The following NADSYN1 variants were observed in gnomAD, a reference collection of about 807,000 sequenced individuals.
The protein encoded by NADSYN1 is NAD synthetase 1, also known as glutamine-dependent NAD(+) synthetase.
A neutral mutation model predicts 99.3 loss-of-function variants in NADSYN1; 80 were observed. That is an observed-to-expected ratio of 0.81 (90% CI 0.67 to 0.97). The LOEUF is 0.97. Among genes scored for constraint, NADSYN1 ranks in the 50% least tolerant of loss-of-function variants. NADSYN1 has a pLI of 0.00. For synonymous variants in NADSYN1, 385 were observed against 372.1 expected, an observed-to-expected ratio of 1.03 and a Z score of -0.40; for missense variants, 859 against 948.5, an observed-to-expected ratio of 0.91 and a Z score of 1.24.
At chr11:71,498,625 A>C (rs758972762) in intron 20 of NADSYN1, 97 bp downstream of exon 20, 89 of 1,377,458 alleles carry the variant, frequency 6.5e-5, no homozygotes, top group Non-Finnish European at 8.5e-5. Context: ...TCTTATATAC[A>C]CAGTAACTTT....
chr11:71,501,463 C>T lies in NADSYN1; in HGVS notation c.*111C>T, dbSNP rs761179093. On this transcript the variant is annotated 3_prime_UTR_variant, in exon 21 of 21. Coordinates refer to ENST00000319023, the MANE Select transcript of NADSYN1 (RefSeq NM_018161.5). ...ACACTAGGAGCCCAGGATGGGACGG[C>T]GCATCAGCCGAGAGGGAGGGAACTT... The T allele has an allele frequency of 8.9e-6, 9 of 1,007,910 alleles. No homozygotes were observed. The highest frequency in any genetic ancestry group is 4.2e-4 in the Middle Eastern group (2 of 4,810). The allele number at this position is 1,007,910 out of a possible 1,614,324, so 62.4% of individuals were successfully genotyped here.
At chr11:71,478,332 A>C (rs1949683347) in intron 9 of NADSYN1, 63 bp from the exon 10 acceptor site, 1 of 1,407,278 alleles carries the variant, frequency 7.1e-7, no homozygotes, top group Non-Finnish European at 9.9e-7. Flanking sequence ...ACAGTGGCCA[A>C]ATTACACGTG....
At chr11:71,474,738 C>G in intron 9 of NADSYN1, 1 of 552,326 alleles carries the variant, frequency 1.8e-6, no homozygotes, top group Non-Finnish European at 3.2e-6. Context: ...CTGGCTCTCC[C>G]CTGTAAGCCG....
chr11:71,473,877 G>A (rs1258352292), intron 8 of NADSYN1, among the ~76,000 whole-genome samples, 191 bp downstream of exon 8: 2 of 152,222 alleles, frequency 1.3e-5, no homozygotes, highest in East Asian at 1.9e-4. Context: ...TCTCACCCAC[G>A]CAGCCACCCT....
rs1949775443 is a variant in NADSYN1, at chr11:71,491,038, G to A, written c.1694+62G>A. The A allele has an allele frequency of 1.5e-5, 24 of 1,599,926 alleles. No individual in the cohort carries two copies. The South Asian group carries it at 2.5e-4, about 16-fold the overall frequency. ...GGGCTCCTCTCCCAGCACGGCCCCG[G>A]CCACCCTGGCCCACACTCAGGCTCC... On this transcript the variant is annotated intron_variant, in intron 17 of 20. Transcript: ENST00000319023.
At chr11:71,464,005 G>A (rs768694026) in intron 4 of NADSYN1, 48 bp from the exon 5 acceptor site, 18 of 1,487,320 alleles carry the variant, frequency 1.2e-5, no homozygotes, top group South Asian at 2.4e-5. Flanking sequence ...CCAGTGGCAC[G>A]TTCATCTCAG....
chr11:71,501,448 C>A lies in NADSYN1; in HGVS notation c.*96C>A. On this transcript the variant is annotated 3_prime_UTR_variant, in exon 21 of 21. Transcript: ENST00000319023. ...AAGGGTAGGAGCCCTACACTAGGAG[C>A]CCAGGATGGGACGGCGCATCAGCCG... 2 of 1,217,190 alleles carry A rather than the reference C, an allele frequency of 1.6e-6. No individual in the cohort carries two copies. The highest frequency in any genetic ancestry group is 2.3e-6 in the Non-Finnish European group (2 of 862,700). The allele number at this position is 1,217,190 out of a possible 1,614,324, so 75.4% of individuals were successfully genotyped here. A position where few individuals can be genotyped will look rare whatever the true frequency, so the allele number is the denominator to read the frequency against.
At chr11:71,477,357 G>A (rs906560601) in intron 9 of NADSYN1, 11 of 1,289,542 alleles carry the variant, frequency 8.5e-6, no homozygotes, top group African/African-American at 4.6e-5. Flanking sequence ...TGGTGGCCAG[G>A]GTGCTGTCAC....
At chr11:71,476,709 TC>T (rs996620682) in intron 9 of NADSYN1, 13 of 865,872 alleles carry the variant, frequency 1.5e-5, no homozygotes, top group Non-Finnish European at 1.7e-5. Context: ...GGAAGTGTGG[TC>T]CTCTCCCCGT....
At chr11:71,469,927 GA>G (rs749801544) in intron 5 of NADSYN1, among the ~76,000 whole-genome samples, 22 of 109,164 alleles carry the variant, frequency 2.0e-4, no homozygotes, top group African/African-American at 4.6e-4. Flanking sequence ...GCCTGTCTCA[GA>G]AAAAAAAAAA....
At chr11:71,469,685 G>C (rs188041919) in intron 5 of NADSYN1, among the ~76,000 whole-genome samples, 1 of 152,300 alleles carries the variant, frequency 6.6e-6, no homozygotes, top group East Asian at 1.9e-4. Flanking sequence ...CCCTGGGTGG[G>C]CCAGGTGTTT....
chr11:71,474,828 A>C (rs943292968), intron 9 of NADSYN1: 2 of 396,836 alleles, frequency 5.0e-6, no homozygotes, highest in Non-Finnish European at 9.6e-6. Flanking sequence ...CTGGTTGGTG[A>C]GGGGGGACCT....
Position 71,481,337 on chromosome 11 carries a change from T to A in NADSYN1, c.999-19T>A. On this transcript the variant is annotated intron_variant, in intron 11 of 20. Coordinates refer to ENST00000319023, the MANE Select transcript of NADSYN1 (RefSeq NM_018161.5). ...CAGGGGCCACCGCCTCCGGGCTCCA[T>A]GTTCTGATTGCCCTGCAGCCTTGGA... The A allele has an allele frequency of 5.6e-6, 9 of 1,613,566 alleles. No homozygotes were observed. Among genetic ancestry groups the A allele is most frequent in the Non-Finnish European group, 7.6e-6 (9 of 1,179,804 alleles).
At chr11:71,462,831 G>A (rs961490615) in intron 3 of NADSYN1, among the ~76,000 whole-genome samples, 2 of 152,122 alleles carry the variant, frequency 1.3e-5, no homozygotes, top group African/African-American at 4.8e-5. Context: ...CCCTTGTGCT[G>A]CCCTGATCTG....
rs775137951 is a variant in NADSYN1, at chr11:71,458,550, T to C, written c.263+6T>C. ...ATCATCTGCGACGTGGGGATGTAAGTGCCAGTGTGAGTGTGGAAGGGCAAA... is the reference window on the plus strand; with the variant it reads ...ATCATCTGCGACGTGGGGATGTAAGCGCCAGTGTGAGTGTGGAAGGGCAAA... On this transcript the variant is annotated splice_donor_region_variant and intron_variant, in intron 3 of 20. Transcript: ENST00000319023. 1.3e-6 allele frequency: 2 copies of C among 1,593,934 alleles called. No homozygotes were observed. Among genetic ancestry groups the C allele is most frequent in the South Asian group, 2.2e-5 (2 of 90,808 alleles).
chr11:71,484,670 G>A, intron 15 of NADSYN1: 1 of 599,072 alleles, frequency 1.7e-6, no homozygotes, highest in South Asian at 2.1e-5. Context: ...GTGTGTGTTG[G>A]TGCATGAGCA....
intron 3 of NADSYN1, chr11:71,459,079 T>G (rs1279221761): frequency 1.2e-5 from 2 of 166,868 alleles, no homozygotes; most frequent in East Asian, 3.6e-4. Flanking sequence ...CTGCACGCTC[T>G]GTGCTGGTGT....
At chr11:71,466,292 G>A (rs1372909976) in intron 5 of NADSYN1, among the ~76,000 whole-genome samples, 1 of 152,156 alleles carries the variant, frequency 6.6e-6, no homozygotes, top group African/African-American at 2.4e-5. Context: ...CAGCCACTTG[G>A]ACTTTCACTT....
intron 5 of NADSYN1, among the ~76,000 whole-genome samples, chr11:71,471,126 C>A (rs1219693170): frequency 6.6e-6 from 1 of 152,184 alleles, no homozygotes; most frequent in Non-Finnish European, 1.5e-5. Context: ...CCTGTTCCTT[C>A]TTCCCCGTTC....
Sources: gnomAD v4.1 joint callset for allele counts (sites outside exome capture counted in the v4.1 genomes callset) on GRCh38, gnomAD v4.1.1 for gene constraint, MANE v1.5 for transcripts, NCBI Gene and HGNC (gene_info 2026-07-23, HGNC 2026-07-21) for gene names.